Variants in SLC37A2 observed in about 807,000 individuals in gnomAD.
The protein encoded by SLC37A2 is glucose-6-phosphate exchanger SLC37A2.
In SLC37A2, 59 loss-of-function variants were observed where a neutral mutation model predicts 70.7. The observed-to-expected ratio is 0.83, with a 90% CI of 0.68 to 1.04. The LOEUF is 1.04. Among genes scored for constraint, SLC37A2 ranks in the 50% least tolerant of loss-of-function variants. The probability of loss-of-function intolerance (pLI) is 0.00; values close to 1 mark genes in which losing one functional copy is unlikely to be tolerated. For synonymous variants in SLC37A2, 257 were observed against 262.1 expected, an observed-to-expected ratio of 0.98 and a Z score of 0.19; for missense variants, 580 against 658.1, an observed-to-expected ratio of 0.88 and a Z score of 1.30.
At chr11:125,068,642 G>A (rs36062969) in intron 1 of SLC37A2, among the ~76,000 whole-genome samples, 36,697 of 152,090 alleles carry the variant, frequency 0.24, 4,851 homozygotes, top group African/African-American at 0.35. Context: ...GAAGAAAACT[G>A]ACTTGCTGAG....
At chr11:125,082,465 G>C in intron 10 of SLC37A2, 131 bp downstream of exon 10, 2 of 780,486 alleles carry the variant, frequency 2.6e-6, no homozygotes, top group South Asian at 1.5e-5. Flanking sequence ...ACCTCTCCTA[G>C]AGTGAAAGGA....
Position 125,089,822 on chromosome 11 carries a change from T to C in SLC37A2, c.*1688T>C, listed in dbSNP as rs571677061. ...GTGGGGCCCGAGCCTCCCCGACGAG[T>C]ACCACCCCCTGCTCCAGGGCGCCCA... On this transcript the variant is annotated 3_prime_UTR_variant, in exon 18 of 18. Coordinates refer to ENST00000403796, the MANE Select transcript of SLC37A2 (RefSeq NM_001145290.2). 2.8e-4 allele frequency: 46 copies of C among 166,800 alleles called. 1 individual carries two copies. The highest frequency in any genetic ancestry group is 7.4e-4 in the East Asian group (4 of 5,398). The allele number at this position is 166,800 out of a possible 1,614,324, so 10.3% of individuals were successfully genotyped here.
intron 1 of SLC37A2, among the ~76,000 whole-genome samples, chr11:125,068,717 T>C (rs888268032): frequency 6.6e-6 from 1 of 152,248 alleles, no homozygotes; most frequent in African/African-American, 2.4e-5. Flanking sequence ...AAGCATGGAA[T>C]ACATGGCGGC....
intron 1 of SLC37A2, among the ~76,000 whole-genome samples, chr11:125,076,358 C>T (rs1949087712): frequency 6.6e-6 from 1 of 152,120 alleles, no homozygotes; most frequent in South Asian, 2.1e-4. Flanking sequence ...CTCCCTCCTA[C>T]CCCCATCATT....
Position 125,087,633 on chromosome 11 carries a change from C to CTTT in SLC37A2, c.1491-472_1491-470dup, listed in dbSNP as rs201240101. The CTTT allele has an allele frequency of 4.3e-4, 61 of 140,940 alleles. 1 individual carries two copies. Among genetic ancestry groups the CTTT allele is most frequent in the African/African-American group, 1.0e-3 (38 of 37,696 alleles). The allele number at this position is 140,940 out of a possible 1,614,324, so 8.7% of individuals were successfully genotyped here. A position where few individuals can be genotyped will look rare whatever the true frequency, so the allele number is the denominator to read the frequency against. On this transcript the variant is annotated intron_variant, in intron 17 of 17. Transcript: ENST00000403796. The stretch of plus-strand genomic sequence containing the variant: ...AACATTGTAAGGTTTTATTTAATTT[C>CTTT]TTTTTTTTTTTTTTTTGAGGCGGAG...
chr11:125,079,509 G>A (rs921172516), intron 5 of SLC37A2, among the ~76,000 whole-genome samples, 175 bp from the exon 6 acceptor site: 3 of 152,190 alleles, frequency 2.0e-5, no homozygotes, highest in Non-Finnish European at 4.4e-5. Context: ...AGAGAAGCCA[G>A]CTCATGCCAT....
chr11:125,074,616 G>T (rs1192765576), intron 1 of SLC37A2, among the ~76,000 whole-genome samples: 1 of 151,904 alleles, frequency 6.6e-6, no homozygotes, highest in African/African-American at 2.4e-5. Context: ...CAGTGCAGTT[G>T]GGGGAGTGGG....
At chr11:125,086,487 T>C in intron 17 of SLC37A2, 2 of 555,982 alleles carry the variant, frequency 3.6e-6, no homozygotes, top group Non-Finnish European at 6.5e-6. Flanking sequence ...GTGAGAACTT[T>C]GGACATGCCC....
chr11:125,063,508 C>A lies in SLC37A2; in HGVS notation c.59+82C>A. On this transcript the variant is annotated intron_variant, in intron 1 of 17. Transcript: ENST00000403796. The surrounding 1 kb of genome is among the most constrained non-coding windows in gnomAD (Gnocchi z 5.4). ...GGGCCGCGGGGGGCCTCGGAGATCA[C>A]CCCAGATCGGCCCCGGCGTCGCCGC... The A allele has an allele frequency of 7.6e-7, 1 of 1,323,848 alleles. No homozygotes were observed. Among genetic ancestry groups the A allele is most frequent in the Admixed American group, 2.1e-5 (1 of 47,182 alleles). 82.0% of individuals were successfully genotyped at this position (1,323,848 alleles called of 1,614,324 possible). A position where few individuals can be genotyped will look rare whatever the true frequency, so the allele number is the denominator to read the frequency against.
Position 125,083,498 on chromosome 11 carries a change from G to GT in SLC37A2, c.977-317_977-316insT. The GT allele has an allele frequency of 6.4e-6, 2 of 311,406 alleles. No individual in the cohort carries two copies. Among genetic ancestry groups the GT allele is most frequent in the Non-Finnish European group, 1.2e-5 (2 of 164,026 alleles). The allele number at this position is 311,406 out of a possible 1,614,324, so 19.3% of individuals were successfully genotyped here. A position where few individuals can be genotyped will look rare whatever the true frequency, so the allele number is the denominator to read the frequency against. ...AAAGGGCTGGGCTGAGCTTCAGGTT[G>GT]CGCTCCAGGGGAAAGGTGGCCACGG... is the stretch of plus-strand genomic sequence containing the variant. On this transcript the variant is annotated intron_variant, in intron 10 of 17. Transcript: ENST00000403796. The surrounding 1 kb of genome is among the most constrained non-coding windows in gnomAD (Gnocchi z 4.6).
Position 125,089,504 on chromosome 11 carries a change from C to T in SLC37A2, c.*1370C>T, listed in dbSNP as rs574838336. On this transcript the variant is annotated 3_prime_UTR_variant, in exon 18 of 18. Transcript: ENST00000403796. ...TTGCAGGGAGGTGTGGAGCGAGAGG[C>T]GCGAGCGGGAACCGGGGCTGCATGC... 5.6e-3 allele frequency: 844 copies of T among 151,752 alleles called. No homozygotes were observed. The highest frequency in any genetic ancestry group is 8.2e-3 in the Non-Finnish European group (563 of 68,274). 9.4% of individuals were successfully genotyped at this position (151,752 alleles called of 1,614,324 possible).
chr11:125,076,040 G>C (rs891481037), intron 1 of SLC37A2, among the ~76,000 whole-genome samples: 1 of 152,108 alleles, frequency 6.6e-6, no homozygotes, highest in Non-Finnish European at 1.5e-5. Context: ...CTTGGGGAGC[G>C]GCCGGGGCAC....
intron 2 of SLC37A2, 129 bp downstream of exon 2, chr11:125,076,967 G>A: frequency 1.1e-6 from 1 of 910,268 alleles, no homozygotes; most frequent in South Asian, 1.5e-5. Flanking sequence ...TCTTCCCCAG[G>A]AGCTCCTTTT....
At chr11:125,085,318 A>G (rs1204752306) in intron 14 of SLC37A2, 77 bp from the exon 15 acceptor site, 4 of 1,447,808 alleles carry the variant, frequency 2.8e-6, no homozygotes, top group East Asian at 4.7e-5. Flanking sequence ...ACCTTCCCTG[A>G]GTCAGCCCCT....
At chr11:125,076,684 G>A in intron 1 of SLC37A2, 73 bp from the exon 2 acceptor site, 1 of 1,419,104 alleles carries the variant, frequency 7.0e-7, no homozygotes, top group Admixed American at 1.7e-5. Context: ...GGGGACACGG[G>A]TCAGGGATGC....
intron 1 of SLC37A2, among the ~76,000 whole-genome samples, chr11:125,071,173 C>T (rs1949026038): frequency 6.6e-6 from 1 of 152,116 alleles, no homozygotes; most frequent in African/African-American, 2.4e-5. Flanking sequence ...CTCCTGTTGG[C>T]TTCTGGCTCA....
intron 1 of SLC37A2, among the ~76,000 whole-genome samples, chr11:125,070,394 C>T (rs1240278925): frequency 6.6e-6 from 1 of 152,142 alleles, no homozygotes; most frequent in Non-Finnish European, 1.5e-5. Context: ...CAGGATATCT[C>T]ATTTAATCTT....
Position 125,084,831 on chromosome 11 carries a change from C to T in SLC37A2, c.1132C>T (p.Leu378=). ...CTCCCCTCTCCTCTCTCAGATGTTC[C>T]TGTACAACTACATTGGCCAGGACGG... ...MLILAAPMMF[L]YNYIGQDGIA... Residue 378 remains leucine (L), a synonymous_variant, in exon 13 of 18, where the codon CTG becomes TTG. Transcript: ENST00000403796. The T allele has an allele frequency of 6.2e-7, 1 of 1,613,774 alleles. No individual in the cohort carries two copies. Among genetic ancestry groups the T allele is most frequent in the Non-Finnish European group, 8.5e-7 (1 of 1,179,864 alleles).
In SLC37A2 at chr11:125,083,336, T is replaced by TGGACA. The variant is rs1386624761; in HGVS notation, c.977-479_977-478insGGACA. On this transcript the variant is annotated intron_variant, in intron 10 of 17. Coordinates refer to ENST00000403796, the MANE Select transcript of SLC37A2 (RefSeq NM_001145290.2). This position sits in a 1 kb window ranked among gnomAD's most constrained non-coding sequence, Gnocchi z 4.6. ...CAATCTCAGCTTCTGGACATTCCTT[T>TGGACA]TTTAAAACATGGAGCCAAGGCCTGT... is the stretch of plus-strand genomic sequence containing the variant. 4.6e-5 allele frequency: 7 copies of TGGACA among 153,362 alleles called. No individual in the cohort carries two copies. Among genetic ancestry groups the TGGACA allele is most frequent in the African/African-American group, 1.7e-4 (7 of 41,458 alleles). The allele number at this position is 153,362 out of a possible 1,614,324, so 9.5% of individuals were successfully genotyped here.
Sources: gnomAD v4.1 joint callset for allele counts (sites outside exome capture counted in the v4.1 genomes callset) on GRCh38, gnomAD v4.1.1 for gene constraint, Gnocchi (gnomAD v3.1) non-coding constraint, MANE v1.5 for transcripts, NCBI Gene and HGNC (gene_info 2026-07-23, HGNC 2026-07-21) for gene names.